The following CSMD3 variants were observed in gnomAD, a reference collection of about 807,000 sequenced individuals.
CSMD3 encodes CUB and Sushi multiple domains 3.
Under a neutral mutation model 435.2 loss-of-function variants are expected in CSMD3, and 177 were observed. The ratio of observed to expected loss-of-function variants is 0.41; its 90% CI spans 0.36 to 0.46. The LOEUF is 0.46. CSMD3 is among the 20% of genes least tolerant of loss of function. The pLI is 0.34. For missense variants in CSMD3, 4,265 were observed against 4,504.6 expected (o/e 0.95, Z 1.52); for synonymous variants, 1,656 against 1,520.5 (o/e 1.09, Z -2.07).
chr8:113,223,879 C>A (rs1377121585), intron 3 of CSMD3, among the ~76,000 whole-genome samples: 1 of 150,204 alleles, frequency 6.7e-6, no homozygotes, highest in Non-Finnish European at 1.5e-5. Context: ...AGCTACTAAT[C>A]GGTAATGGCA....
intron 35 of CSMD3, among the ~76,000 whole-genome samples, chr8:112,392,851 GTT>G (rs1830543399): frequency 7.2e-6 from 1 of 139,140 alleles, no homozygotes; most frequent in Admixed American, 7.1e-5. Flanking sequence ...CTCACAGATA[GTT>G]TCTTTTTTTT....
At chr8:112,828,896 G>C (rs549024385) in intron 12 of CSMD3, among the ~76,000 whole-genome samples, 6 of 152,202 alleles carry the variant, frequency 3.9e-5, no homozygotes, top group Non-Finnish European at 7.4e-5. Context: ...TAACACTAAA[G>C]AGCAGTAATA....
chr8:112,305,977 C>A (rs762260825), intron 51 of CSMD3, 30 bp downstream of exon 51: 7 of 1,580,746 alleles, frequency 4.4e-6, no homozygotes, highest in African/African-American at 1.3e-5. Flanking sequence ...AAGAGAAAAA[C>A]AAGTGATGAA....
intron 32 of CSMD3, among the ~76,000 whole-genome samples, chr8:112,453,871 G>T (rs111672093): frequency 0.012 from 1,806 of 152,146 alleles, 32 homozygotes; most frequent in African/African-American, 0.041. Flanking sequence ...TCTCCTATAA[G>T]GCTACGGTAA....
chr8:112,445,721 C>T (rs185462225), intron 32 of CSMD3, among the ~76,000 whole-genome samples: 72 of 152,252 alleles, frequency 4.7e-4, no homozygotes, highest in Middle Eastern at 3.4e-3. Context: ...CAGAGAAATA[C>T]ACTGAGTCAT....
At chr8:112,366,370 T>G (rs2131149570) in intron 38 of CSMD3, among the ~76,000 whole-genome samples, 1 of 152,196 alleles carries the variant, frequency 6.6e-6, no homozygotes, top group Admixed American at 6.5e-5. Flanking sequence ...AAAGTTTCAG[T>G]GGGAAATCAT....
At chr8:112,616,724 C>CCAGATGG (rs1414498822) in intron 22 of CSMD3, among the ~76,000 whole-genome samples, 1 of 152,060 alleles carries the variant, frequency 6.6e-6, no homozygotes, top group Non-Finnish European at 1.5e-5. Context: ...ACCAAACAGG[C>CCAGATGG]CAGATGGCAG....
At chr8:112,400,435 A>T (rs2129909987) in intron 35 of CSMD3, among the ~76,000 whole-genome samples, 1 of 152,336 alleles carries the variant, frequency 6.6e-6, no homozygotes, top group Admixed American at 6.5e-5. Context: ...AAACCATAGC[A>T]AGAATCAATG....
chr8:112,383,718 C>T (rs1322388385), intron 36 of CSMD3, 55 bp from the exon 37 acceptor site: 5 of 1,027,464 alleles, frequency 4.9e-6, no homozygotes, highest in Non-Finnish European at 7.7e-6. Flanking sequence ...ATACACATAA[C>T]TATAGTCCAC....
chr8:112,619,593 G>A (rs1833911467), intron 22 of CSMD3, among the ~76,000 whole-genome samples: 1 of 151,848 alleles, frequency 6.6e-6, no homozygotes, highest in East Asian at 1.9e-4. Flanking sequence ...CCACAGATTT[G>A]CATCTGTGGC....
At chr8:112,912,338 C>T (rs541866833) in intron 10 of CSMD3, among the ~76,000 whole-genome samples, 16 of 151,472 alleles carry the variant, frequency 1.1e-4, no homozygotes, top group African/African-American at 3.9e-4. Context: ...AATCTGCATA[C>T]TATTTTTCAT....
intron 1 of CSMD3, among the ~76,000 whole-genome samples, chr8:113,410,900 TGAAAGAAAGAAAGAAA>T (rs60929996): frequency 0.02 from 2,099 of 105,448 alleles, 32 homozygotes; most frequent in African/African-American, 0.045. Context: ...CAAAACCCTG[TGAAAGAAAGAAAGAAA>T]GAAAGAAAGA....
At chr8:112,380,772 T>A (rs754768929) in intron 37 of CSMD3, among the ~76,000 whole-genome samples, 37 of 152,302 alleles carry the variant, frequency 2.4e-4, no homozygotes, top group Middle Eastern at 3.4e-3. Context: ...TCATGTGGAT[T>A]TCAGTATTCC....
intron 2 of CSMD3, among the ~76,000 whole-genome samples, chr8:113,296,782 C>T (rs927224382): frequency 1.8e-4 from 27 of 152,266 alleles, no homozygotes; most frequent in East Asian, 1.9e-4. Flanking sequence ...GATCTCTACA[C>T]GTCAGAAAAC....
intron 3 of CSMD3, among the ~76,000 whole-genome samples, chr8:113,234,984 G>A (rs2093131131): frequency 6.6e-6 from 1 of 152,040 alleles, no homozygotes; most frequent in Admixed American, 6.6e-5. Context: ...GAGCGTCTAG[G>A]CAGAGAATGT....
chr8:113,137,440 A>G (rs1273671759), intron 4 of CSMD3, among the ~76,000 whole-genome samples: 1 of 151,662 alleles, frequency 6.6e-6, no homozygotes, highest in East Asian at 1.9e-4. Flanking sequence ...TTTATTCCCA[A>G]TGCAATTGTG....
intron 3 of CSMD3, among the ~76,000 whole-genome samples, chr8:113,245,060 G>A (rs568741968): frequency 5.6e-4 from 85 of 152,046 alleles, no homozygotes; most frequent in Middle Eastern, 3.4e-3. Context: ...AACAGTTATC[G>A]TCTTAAAGCT....
chr8:112,572,080 A>G (rs1249321790), intron 24 of CSMD3, among the ~76,000 whole-genome samples: 2 of 151,882 alleles, frequency 1.3e-5, no homozygotes, highest in African/African-American at 4.8e-5. Context: ...CACACCAATT[A>G]TATTTGAGCA....
intron 27 of CSMD3, among the ~76,000 whole-genome samples, chr8:112,517,741 T>A (rs1179456541): frequency 1.3e-5 from 2 of 152,178 alleles, no homozygotes; most frequent in Non-Finnish European, 2.9e-5. Context: ...TTGGCTCAAT[T>A]TTTTAAAAAA....
Sources: allele counts gnomAD v4.1 joint callset (sites outside exome capture counted in the v4.1 genomes callset), GRCh38; gene constraint gnomAD v4.1.1; transcripts MANE v1.5; gene names NCBI Gene and HGNC (gene_info 2026-07-23, HGNC 2026-07-21).